The following ABCA1 variants were observed in gnomAD, a reference collection of about 807,000 sequenced individuals.
ABCA1 encodes phospholipid-transporting ATPase ABCA1.
Under a neutral mutation model 262.5 loss-of-function variants are expected in ABCA1, and 133 were observed. The observed-to-expected ratio is 0.51, with a 90% CI of 0.44 to 0.59. The LOEUF (loss-of-function observed/expected upper bound fraction) is 0.59, where lower values mean the gene tolerates loss of function less well. Ranked by LOEUF, ABCA1 falls within the 20% of genes least tolerant of loss-of-function variation. ABCA1 has a pLI of 0.00. For missense variants in ABCA1, 2,452 were observed against 2,777.5 expected, an observed-to-expected ratio of 0.88 and a Z score of 2.63; for synonymous variants, 1,022 against 1,043.5, an observed-to-expected ratio of 0.98 and a Z score of 0.40.
rs1588202731 is a variant in ABCA1, at chr9:104,790,810, AC to A, written c.5927+111del. 9.0e-6 allele frequency: 7 copies of A among 781,000 alleles called. No individual in the cohort carries two copies. In the South Asian group the frequency reaches 1.0e-4, roughly 12 times the overall value. 48.4% of individuals were successfully genotyped at this position (781,000 alleles called of 1,614,324 possible). A position where few individuals can be genotyped will look rare whatever the true frequency, so the allele number is the denominator to read the frequency against. ...CTTCTTTACCCTTTACTATATTTCA[AC>A]ATTTTTATGAACTCTAAAAATACCA... On this transcript the variant is annotated intron_variant, in intron 44 of 49. Transcript: ENST00000374736.
intron 1 of ABCA1, among the ~76,000 whole-genome samples, chr9:104,918,360 T>C (rs577062550): frequency 2.0e-5 from 3 of 152,278 alleles, no homozygotes; most frequent in Admixed American, 6.5e-5. Context: ...AAACCAGCTA[T>C]AGTTCCTTCG....
intron 40 of ABCA1, 129 bp downstream of exon 40, chr9:104,794,258 C>T (rs898983549): frequency 7.0e-7 from 1 of 1,427,878 alleles, no homozygotes; most frequent in Non-Finnish European, 9.8e-7. Flanking sequence ...AGCCCTGTCA[C>T]TGGGCATGGG....
Position 104,825,744 on chromosome 9 carries a change from C to T in ABCA1, c.2481G>A (p.Met827Ile). 1 of 1,614,254 alleles carries T rather than the reference C, an allele frequency of 6.2e-7. No homozygotes were observed. Among genetic ancestry groups the T allele is most frequent in the Non-Finnish European group, 8.5e-7 (1 of 1,180,044 alleles). The change falls in exon 17 of 50, where the codon ATG becomes ATA. Residue 827 changes from methionine (M) to isoleucine (I), a missense_variant. Met to Ile is a conservative substitution (Grantham distance 10). Around this residue, in one of 4 missense-constraint regions of ABCA1, gnomAD observed 1,032 missense variants for 1,089.7 expected, o/e 0.95. Transcript: ENST00000374736. ...CATAGAGGAAGGTGTCAAACAGCAT[C>T]ATGGAGACCGAAGTGGTGAGATTGA... ...DGFNLTTSVSMMLFDTFLYGV... is the reference protein window; with the variant it reads ...DGFNLTTSVSIMLFDTFLYGV...
chr9:104,800,945 A>G (rs553501887), intron 34 of ABCA1, among the ~76,000 whole-genome samples: 49 of 152,208 alleles, frequency 3.2e-4, no homozygotes, highest in Admixed American at 6.5e-4. Context: ...TGCCAGATAC[A>G]TGGGCCCATC....
At chr9:104,825,657 C>T (rs1217629219) in intron 17 of ABCA1, 26 bp downstream of exon 17, 1 of 1,610,440 alleles carries the variant, frequency 6.2e-7, no homozygotes, top group Non-Finnish European at 8.5e-7. Flanking sequence ...GTCATATTTT[C>T]CAAACAGATG....
At chr9:104,904,528 T>C (rs1840944573) in intron 1 of ABCA1, among the ~76,000 whole-genome samples, 2 of 138,524 alleles carry the variant, frequency 1.4e-5, no homozygotes, top group South Asian at 4.4e-4. Context: ...ATTGTGCCAC[T>C]ACACTCCAGC....
intron 5 of ABCA1, among the ~76,000 whole-genome samples, chr9:104,863,193 C>T (rs1836787903): frequency 6.6e-6 from 1 of 152,120 alleles, no homozygotes; most frequent in South Asian, 2.1e-4. Flanking sequence ...CTTTCTGAAC[C>T]TCAATTTCTT....
Position 104,783,336 on chromosome 9 carries a change from A to C in ABCA1, c.*979T>G, listed in dbSNP as rs1434368423. The C allele has an allele frequency of 6.6e-6, 1 of 152,222 alleles. No homozygotes were observed. The highest frequency in any genetic ancestry group is 1.5e-5 in the Non-Finnish European group (1 of 68,040). The allele number at this position is 152,222 out of a possible 1,614,324, so 9.4% of individuals were successfully genotyped here. On this transcript the variant is annotated 3_prime_UTR_variant, in exon 50 of 50. Coordinates refer to ENST00000374736, the MANE Select transcript of ABCA1 (RefSeq NM_005502.4). ...TCTTTTCATTTTCTAGATTAATTCA[A>C]AAAGCCAGAAATAATACACTTGTGT...
intron 5 of ABCA1, among the ~76,000 whole-genome samples, chr9:104,865,885 AG>A (rs1837046539): frequency 6.6e-6 from 1 of 152,236 alleles, no homozygotes; most frequent in Non-Finnish European, 1.5e-5. Context: ...CCTGCCTTCG[AG>A]GAACTTTCAA....
intron 7 of ABCA1, among the ~76,000 whole-genome samples, chr9:104,854,523 A>G (rs1346424958): frequency 6.6e-6 from 1 of 152,022 alleles, no homozygotes; most frequent in Non-Finnish European, 1.5e-5. Flanking sequence ...GTCCACTACT[A>G]TGGCTCCTTC....
chr9:104,843,292 G>A (rs1393072468), intron 8 of ABCA1, among the ~76,000 whole-genome samples: 1 of 152,194 alleles, frequency 6.6e-6, no homozygotes, highest in African/African-American at 2.4e-5. Context: ...GCTGGTCGGT[G>A]CTGGGTGGAC....
At chr9:104,882,740 G>T (rs1838797313) in intron 5 of ABCA1, among the ~76,000 whole-genome samples, 1 of 152,208 alleles carries the variant, frequency 6.6e-6, no homozygotes, top group South Asian at 2.1e-4. Context: ...CAGAAAAAAT[G>T]CAGTTGGCAG....
intron 7 of ABCA1, among the ~76,000 whole-genome samples, chr9:104,851,418 C>T (rs1252570184): frequency 6.6e-6 from 1 of 152,158 alleles, no homozygotes; most frequent in East Asian, 1.9e-4. Flanking sequence ...CATCAAACTC[C>T]CCACAGCTAT....
intron 39 of ABCA1, 101 bp downstream of exon 39, chr9:104,795,952 G>A (rs1829859467): frequency 5.2e-6 from 8 of 1,524,052 alleles, no homozygotes; most frequent in African/African-American, 1.4e-5. Context: ...AGTCAGCAGT[G>A]TCAATACCAC....
At chr9:104,837,966 A>G (rs1473245143) in intron 9 of ABCA1, among the ~76,000 whole-genome samples, 2 of 152,218 alleles carry the variant, frequency 1.3e-5, no homozygotes, top group Non-Finnish European at 2.9e-5. Flanking sequence ...TAACATGACC[A>G]ACATTTAAAC....
chr9:104,824,333 T>C lies in ABCA1; in HGVS notation c.2656+132A>G, dbSNP rs1051308357. On this transcript the variant is annotated intron_variant, in intron 18 of 49. Transcript: ENST00000374736. Reference sequence around the variant, plus strand: ...CATGGGAGGATTTGGAAAGGGACACTGCATGTGATTTCTCTGCCCCTGGAG... The same window carrying C: ...CATGGGAGGATTTGGAAAGGGACACCGCATGTGATTTCTCTGCCCCTGGAG... 13 of 1,525,980 alleles carry C rather than the reference T, an allele frequency of 8.5e-6. No individual in the cohort carries two copies. In the South Asian group the frequency reaches 1.4e-4, roughly 17 times the overall value. The allele number at this position is 1,525,980 out of a possible 1,614,324, so 94.5% of individuals were successfully genotyped here.
intron 18 of ABCA1, among the ~76,000 whole-genome samples, chr9:104,823,319 T>C (rs1002091322): frequency 3.3e-5 from 5 of 152,070 alleles, no homozygotes; most frequent in African/African-American, 1.2e-4. Flanking sequence ...TAGAACTAAA[T>C]ACGCACACAC....
At chr9:104,841,079 A>G (rs1324264558) in intron 8 of ABCA1, among the ~76,000 whole-genome samples, 4 of 152,186 alleles carry the variant, frequency 2.6e-5, no homozygotes, top group Non-Finnish European at 5.9e-5. Context: ...AAGGTACTGT[A>G]TGTGAAGTTC....
At chr9:104,868,367 C>A (rs371388728) in intron 5 of ABCA1, among the ~76,000 whole-genome samples, 74 of 151,876 alleles carry the variant, frequency 4.9e-4, no homozygotes, top group Middle Eastern at 3.4e-3. Context: ...AACAAACAAA[C>A]AAAAAAAACG....
Sources: allele counts gnomAD v4.1 joint callset (sites outside exome capture counted in the v4.1 genomes callset), GRCh38; gene constraint gnomAD v4.1.1; regional missense constraint gnomAD v4.1.1; transcripts MANE v1.5; gene names NCBI Gene and HGNC (gene_info 2026-07-23, HGNC 2026-07-21).